USH2A: variants seen among roughly 807,000 people sequenced by gnomAD.
USH2A encodes Usher syndrome 2A (autosomal recessive, mild).
A neutral mutation model predicts 538.9 loss-of-function variants in USH2A; 443 were observed. The ratio of observed to expected loss-of-function variants is 0.82; its 90% CI spans 0.76 to 0.89. The LOEUF is 0.89. Among genes scored for constraint, USH2A ranks in the 40% least tolerant of loss-of-function variants. The pLI is 0.00. For synonymous variants in USH2A, 2,413 were observed against 2,273.5 expected (o/e 1.06, Z -1.75); for missense variants, 6,633 against 6,324.8 (o/e 1.05, Z -1.65).
At chr1:216,410,069 T>C (rs1384240737) in intron 3 of USH2A, among the ~76,000 whole-genome samples, 1 of 152,086 alleles carries the variant, frequency 6.6e-6, no homozygotes, top group African/African-American at 2.4e-5. Flanking sequence ...TAGACCCTTT[T>C]CAAAAGAAGA....
At chr1:215,790,767 G>A (rs2102770539) in intron 50 of USH2A, among the ~76,000 whole-genome samples, 1 of 152,302 alleles carries the variant, frequency 6.6e-6, no homozygotes, top group East Asian at 1.9e-4. Flanking sequence ...AGCAGTGCAA[G>A]TTTTGGCTTA....
intron 9 of USH2A, among the ~76,000 whole-genome samples, chr1:216,301,491 T>C (rs1217651238): frequency 2.0e-5 from 3 of 152,186 alleles, no homozygotes; most frequent in Admixed American, 2.0e-4. Flanking sequence ...TATACTGGCT[T>C]CAGGGACCGA....
intron 50 of USH2A, among the ~76,000 whole-genome samples, chr1:215,791,717 A>C (rs997986790): frequency 1.3e-5 from 2 of 152,216 alleles, no homozygotes; most frequent in Non-Finnish European, 1.5e-5. Flanking sequence ...ATCTCAAATT[A>C]ATACAAAGAG....
intron 14 of USH2A, among the ~76,000 whole-genome samples, chr1:216,229,794 T>C (rs920303921): frequency 6.6e-6 from 1 of 152,136 alleles, no homozygotes; most frequent in African/African-American, 2.4e-5. Flanking sequence ...GAACAGTACT[T>C]ATTAAGCAAT....
rs7551252 is a variant in USH2A, at chr1:215,672,201, T to C, written c.13812-908A>G. ...CTTTTTTCTCTATTCCCAACCACCA[T>C]TGATTTTATGACACCTTCAATTTTC... On this transcript the variant is annotated intron_variant, in intron 63 of 71. Transcript: ENST00000307340. Among the ~76,000 whole-genome samples, 1,448 of 152,290 alleles carry C rather than the reference T, an allele frequency of 9.5e-3. 23 individuals carry two copies. Among genetic ancestry groups the C allele is most frequent in the African/African-American group, 0.033 (1,356 of 41,558 alleles).
chr1:215,639,596 G>A (rs1295533225), intron 68 of USH2A, among the ~76,000 whole-genome samples: 1 of 152,180 alleles, frequency 6.6e-6, no homozygotes, highest in Non-Finnish European at 1.5e-5. Flanking sequence ...ATGACCTAGA[G>A]TTTCTTACTG....
intron 30 of USH2A, among the ~76,000 whole-genome samples, chr1:216,056,367 T>A (rs540588589): frequency 2.0e-5 from 3 of 152,178 alleles, no homozygotes; most frequent in African/African-American, 7.2e-5. Context: ...GTGTCCAAGG[T>A]CCCCTGCTAC....
rs1284956313 is a variant in USH2A at position 215,640,858 on chromosome 1, A to G, written c.14792-124T>C. ...ACCAATCCAAACAAAAAAAAAAAAAAAAAAGAAAACCAACATTGCTAGAAT... is the reference window on the plus strand; with the variant it reads ...ACCAATCCAAACAAAAAAAAAAAAAGAAAAGAAAACCAACATTGCTAGAAT... On this transcript the variant is annotated intron_variant, in intron 67 of 71. Coordinates refer to ENST00000307340, the MANE Select transcript of USH2A (RefSeq NM_206933.4). 1.6e-5 allele frequency: 18 copies of G among 1,094,258 alleles called. No individual in the cohort carries two copies. In the East Asian group the frequency reaches 2.1e-4, roughly 13 times the overall value. The allele number at this position is 1,094,258 out of a possible 1,614,324, so 67.8% of individuals were successfully genotyped here.
At chr1:216,417,580 T>C (rs1193900950) in intron 3 of USH2A, among the ~76,000 whole-genome samples, 1 of 151,820 alleles carries the variant, frequency 6.6e-6, no homozygotes, top group Non-Finnish European at 1.5e-5. Flanking sequence ...AGAATTCTCA[T>C]GAGATCTGGT....
intron 45 of USH2A, among the ~76,000 whole-genome samples, chr1:215,845,234 C>G (rs1157109363): frequency 6.6e-6 from 1 of 152,092 alleles, no homozygotes; most frequent in Admixed American, 6.6e-5. Flanking sequence ...ACTTAAAGAG[C>G]TCTGCTAATG....
rs535363915 is a variant in USH2A, at chr1:216,001,267, A to G, written c.6326-705T>C. Among the ~76,000 whole-genome samples, 5 of 152,292 alleles carry G rather than the reference A, an allele frequency of 3.3e-5. No individual in the cohort carries two copies. The South Asian group carries it at 1.0e-3, about 32-fold the overall frequency. On this transcript the variant is annotated intron_variant, in intron 32 of 71. Coordinates refer to ENST00000307340, the MANE Select transcript of USH2A (RefSeq NM_206933.4). ...TTTTGCATCCTTAGTATGTAGCACA[A>G]TACCTGGCACATTGTAGGTTTTGAA...
At chr1:216,340,188 C>G (rs1167933883) in intron 4 of USH2A, among the ~76,000 whole-genome samples, 1 of 152,056 alleles carries the variant, frequency 6.6e-6, no homozygotes, top group African/African-American at 2.4e-5. Flanking sequence ...GAAATACAAA[C>G]TACCATCAGA....
At chr1:215,662,445 C>T (rs1239791802) in intron 64 of USH2A, among the ~76,000 whole-genome samples, 2 of 152,130 alleles carry the variant, frequency 1.3e-5, no homozygotes, top group Non-Finnish European at 2.9e-5. Flanking sequence ...ATGAAGATTG[C>T]CAACAACAGA....
rs554199757 is a variant in USH2A, at chr1:216,251,718, G to T, written c.1972-620C>A. 1.1e-3 allele frequency among the ~76,000 whole-genome samples: 170 copies of T among 152,194 alleles called. 1 individual carries two copies. Among genetic ancestry groups the T allele is most frequent in the African/African-American group, 3.9e-3 (162 of 41,538 alleles). On this transcript the variant is annotated intron_variant, in intron 11 of 71. Coordinates refer to ENST00000307340, the MANE Select transcript of USH2A (RefSeq NM_206933.4). Reference sequence around the variant, plus strand: ...GCCTCCCAAAGTGCTGGGATTACAGGCGTGAATCACTGCACCCAGCCCACC... The same window carrying T: ...GCCTCCCAAAGTGCTGGGATTACAGTCGTGAATCACTGCACCCAGCCCACC...
chr1:216,247,639 G>T (rs904221001), intron 12 of USH2A, among the ~76,000 whole-genome samples: 18 of 152,040 alleles, frequency 1.2e-4, no homozygotes, highest in Non-Finnish European at 1.3e-4. Flanking sequence ...TTTAATAAAA[G>T]GTTAAGCTGA....
At chr1:216,316,082 G>C (rs1020477870) in intron 9 of USH2A, among the ~76,000 whole-genome samples, 10 of 151,882 alleles carry the variant, frequency 6.6e-5, no homozygotes, top group Non-Finnish European at 4.4e-5. Context: ...TAAAGTCAAG[G>C]CCTTAAAATT....
At chr1:215,870,269 A>AT (rs10605290) in intron 43 of USH2A, among the ~76,000 whole-genome samples, 41 of 149,056 alleles carry the variant, frequency 2.8e-4, no homozygotes, top group South Asian at 6.4e-4. Context: ...AGGAAACAAG[A>AT]TTTTTTTTTT....
At chr1:215,952,586 A>G (rs1002369999) in intron 37 of USH2A, among the ~76,000 whole-genome samples, 2 of 152,000 alleles carry the variant, frequency 1.3e-5, no homozygotes, top group African/African-American at 4.8e-5. Context: ...TGGTGACAAA[A>G]TCTCTCAGCA....
intron 63 of USH2A, among the ~76,000 whole-genome samples, chr1:215,673,482 T>G (rs982616721): frequency 4.6e-5 from 7 of 152,202 alleles, no homozygotes; most frequent in Admixed American, 2.6e-4. Flanking sequence ...GGCAAGATTC[T>G]TTTGTGTGGA....
Sources: allele counts gnomAD v4.1 joint callset (sites outside exome capture counted in the v4.1 genomes callset), GRCh38; gene constraint gnomAD v4.1.1; transcripts MANE v1.5; gene names NCBI Gene and HGNC (gene_info 2026-07-23, HGNC 2026-07-21).